CPA1: variants seen among roughly 807,000 people sequenced by gnomAD.
CPA1 encodes carboxypeptidase A1, also known as carboxypeptidase A1 (pancreatic).
In CPA1, 42 loss-of-function variants were observed where a neutral mutation model predicts 48.7. The ratio of observed to expected loss-of-function variants is 0.86; its 90% CI spans 0.67 to 1.11. CPA1 has a LOEUF of 1.11. CPA1 is among the 50% of genes most tolerant of loss of function. The pLI is 0.00. For missense variants in CPA1, 477 were observed against 544.7 expected (o/e 0.88, Z 1.24); for synonymous variants, 203 against 217.9 (o/e 0.93, Z 0.60).
rs370049711 is a variant in CPA1 at position 130,385,219 on chromosome 7, G to A, written c.861G>A (p.Lys287=). 1.4e-5 allele frequency: 23 copies of A among 1,614,120 alleles called. No individual in the cohort carries two copies. In the Admixed American group the frequency reaches 2.7e-4, roughly 19 times the overall value. ...TTGCCAATTCCGAAGTGGAGGTCAA[G>A]TCCATTGTAGACTTTGTGAAGGACC... is the stretch of plus-strand genomic sequence containing the variant. ...GKFANSEVEV[K]SIVDFVKDHG... is the part of the protein sequence containing the mutation. Residue 287 remains lysine, a synonymous_variant, in exon 8 of 10, where the codon AAG becomes AAA. Transcript: ENST00000011292.
intron 3 of CPA1, 21 bp downstream of exon 3, chr7:130,381,884 C>T: frequency 6.9e-6 from 11 of 1,601,264 alleles, no homozygotes; most frequent in Non-Finnish European, 9.4e-6. Flanking sequence ...CCCTAGCGGC[C>T]GCTCCCTGCA....
At chr7:130,382,566 C>G (rs1302285347) in intron 4 of CPA1, among the ~76,000 whole-genome samples, 1 of 151,246 alleles carries the variant, frequency 6.6e-6, no homozygotes, top group Non-Finnish European at 1.5e-5. Context: ...TGGGTTCAAG[C>G]GATTCTCCTG....
Position 130,387,892 on chromosome 7 carries a change from C to G in CPA1, c.1141C>G (p.Leu381Val). The change falls in exon 10 of 10, where the codon CTC becomes GTC. Residue 381 changes from leucine (L) to valine (V), a missense_variant. Coordinates refer to ENST00000011292, the MANE Select transcript of CPA1 (RefSeq NM_001868.4). This position sits in a 1 kb window ranked among gnomAD's most constrained non-coding sequence, Gnocchi z 4.6. ...QGIKYSFTFE[L>V]RDTGRYGFLL... ...CATCAAGTACTCCTTCACCTTCGAG[C>G]TCCGGGACACTGGGCGCTATGGCTT... The G allele has an allele frequency of 1.2e-6, 2 of 1,614,202 alleles. No homozygotes were observed. The highest frequency in any genetic ancestry group is 1.7e-6 in the Non-Finnish European group (2 of 1,180,032).
chr7:130,380,873 T>C, intron 1 of CPA1: 1 of 590,938 alleles, frequency 1.7e-6, no homozygotes, highest in African/African-American at 1.9e-5. Context: ...CAAACTGGGA[T>C]TGAGATAGTA....
At chr7:130,384,647 G>C in intron 7 of CPA1, 21 bp downstream of exon 7, 1 of 1,604,056 alleles carries the variant, frequency 6.2e-7, no homozygotes, top group East Asian at 2.2e-5. Flanking sequence ...GAGTGTCTTG[G>C]GAGCAAGGAT....
Position 130,384,099 on chromosome 7 carries a change from G to T in CPA1, c.696+305G>T, listed in dbSNP as rs546019879. ...ATGTCTTCAGATATTGCAAAATATC[G>T]CAGGGGAGGGTCAAGATTGTCCCCA... On this transcript the variant is annotated intron_variant, in intron 6 of 9. Transcript: ENST00000011292. The T allele has an allele frequency of 1.2e-3, 566 of 463,036 alleles. 15 individuals carry two copies. The South Asian group carries it at 0.015, about 12-fold the overall frequency. The allele number at this position is 463,036 out of a possible 1,614,324, so 28.7% of individuals were successfully genotyped here. A position where few individuals can be genotyped will look rare whatever the true frequency, so the allele number is the denominator to read the frequency against.
intron 9 of CPA1, 183 bp downstream of exon 9, chr7:130,386,106 T>C: frequency 1.8e-6 from 1 of 567,006 alleles, no homozygotes; most frequent in East Asian, 2.8e-5. Flanking sequence ...CTTCCTTTGA[T>C]ACTTTCAGAC....
chr7:130,381,028 C>T, intron 1 of CPA1, 70 bp from the exon 2 acceptor site: 1 of 1,278,206 alleles, frequency 7.8e-7, no homozygotes, highest in Non-Finnish European at 1.1e-6. Context: ...CTCCCTCCTG[C>T]ACCTGGGGAG....
chr7:130,381,429 G>A (rs1796402288), intron 2 of CPA1, among the ~76,000 whole-genome samples: 1 of 152,088 alleles, frequency 6.6e-6, no homozygotes, highest in African/African-American at 2.4e-5. Flanking sequence ...CTCTGCTCCT[G>A]GGCCATTTCC....
At chr7:130,381,906 T>C in intron 3 of CPA1, 43 bp downstream of exon 3, 1 of 1,568,330 alleles carries the variant, frequency 6.4e-7, no homozygotes, top group Non-Finnish European at 8.7e-7. Context: ...CCACCAGCTC[T>C]TCATCATGGC....
intron 6 of CPA1, 69 bp downstream of exon 6, chr7:130,383,863 C>T (rs781943992): frequency 8.9e-7 from 1 of 1,125,216 alleles, no homozygotes; most frequent in Non-Finnish European, 1.4e-6. Context: ...ACAAGTAGTT[C>T]ACCCCTAATC....
chr7:130,381,194 G>C lies in CPA1; in HGVS notation c.147+15G>C, dbSNP rs781784722. 9 of 1,599,464 alleles carry C rather than the reference G, an allele frequency of 5.6e-6. No homozygotes were observed. The South Asian group carries it at 1.0e-4, about 18-fold the overall frequency. ...AGCACCTGCAGGTCAGAAGAGGGGAGAAGGGCTCTCTGAGGCCCCAGGGTA... is the reference window on the plus strand; with the variant it reads ...AGCACCTGCAGGTCAGAAGAGGGGACAAGGGCTCTCTGAGGCCCCAGGGTA... On this transcript the variant is annotated intron_variant, in intron 2 of 9. Transcript: ENST00000011292.
rs148329227 is a variant in CPA1, at chr7:130,387,889, G to A, written c.1138G>A (p.Glu380Lys). ...GGGCATCAAGTACTCCTTCACCTTC[G>A]AGCTCCGGGACACTGGGCGCTATGG... Reference protein sequence around the residue: ...SQGIKYSFTFELRDTGRYGFL... With the variant: ...SQGIKYSFTFKLRDTGRYGFL... The change falls in exon 10 of 10, where the codon GAG (glutamate) becomes AAG (lysine). Residue 380 changes from glutamate (E) to lysine (K), a missense_variant. By Grantham distance (56) the Glu-to-Lys change is moderately conservative. Coordinates refer to ENST00000011292, the MANE Select transcript of CPA1 (RefSeq NM_001868.4). This position sits in a 1 kb window ranked among gnomAD's most constrained non-coding sequence, Gnocchi z 4.6. 3 of 1,614,014 alleles carry A rather than the reference G, an allele frequency of 1.9e-6. No individual in the cohort carries two copies. Among genetic ancestry groups the A allele is most frequent in the Admixed American group, 1.7e-5 (1 of 60,008 alleles).
Position 130,388,035 on chromosome 7 carries a change from GTCC to G in CPA1, c.*30_*32del, listed in dbSNP as rs1554412275. 6 of 1,611,698 alleles carry G rather than the reference GTCC, an allele frequency of 3.7e-6. No individual in the cohort carries two copies. The highest frequency in any genetic ancestry group is 5.1e-6 in the Non-Finnish European group (6 of 1,178,308). On this transcript the variant is annotated 3_prime_UTR_variant, in exon 10 of 10. Coordinates refer to ENST00000011292, the MANE Select transcript of CPA1 (RefSeq NM_001868.4). ...GAGCTGACCCTTTGACACCCTTCTT[GTCC>G]TCCTCTCTGGCCCCATCCAGGCAAC... is the stretch of plus-strand genomic sequence containing the variant.
Position 130,387,111 on chromosome 7 carries a change from G to C in CPA1, c.1073-713G>C, listed in dbSNP as rs1240347501. ...CCAAGTAAGTGAAGGTCAAAGCTGG[G>C]TAGAAGGCTGAGGGGGCAGGGCTGC... On this transcript the variant is annotated intron_variant, in intron 9 of 9. Transcript: ENST00000011292. The surrounding 1 kb of genome is among the most constrained non-coding windows in gnomAD (Gnocchi z 4.6). Among the ~76,000 whole-genome samples the C allele has an allele frequency of 6.6e-6, 1 of 152,200 alleles. No homozygotes were observed. The highest frequency in any genetic ancestry group is 1.5e-5 in the Non-Finnish European group (1 of 68,032).
rs1382108516 is a variant in CPA1 at position 130,387,167 on chromosome 7, G to T, written c.1073-657G>T. On this transcript the variant is annotated intron_variant, in intron 9 of 9. Transcript: ENST00000011292. The surrounding 1 kb of genome is among the most constrained non-coding windows in gnomAD (Gnocchi z 4.6). ...CACCTCACACGCTTCCTGCCTGAGT[G>T]CCTAGGCCTTGGTGGGCAAGCAGGT... Among the ~76,000 whole-genome samples the T allele has an allele frequency of 1.3e-5, 2 of 152,208 alleles. No individual in the cohort carries two copies. The highest frequency in any genetic ancestry group is 2.4e-5 in the African/African-American group (1 of 41,446).
At position 130,381,787 on chromosome 7, in the gene CPA1, AG is replaced by A. The variant is rs1554411224; in HGVS notation, c.306del (p.Glu102AspfsTer59). 6.2e-7 allele frequency: 1 copy of A among 1,613,968 alleles called. No individual in the cohort carries two copies. Among genetic ancestry groups the A allele is most frequent in the Admixed American group, 1.7e-5 (1 of 60,004 alleles). On this transcript the variant is annotated frameshift_variant, in exon 3 of 10. Coordinates refer to ENST00000011292, the MANE Select transcript of CPA1 (RefSeq NM_001868.4). LOFTEE classifies it high-confidence loss of function. ...DVQSLLDEEQ[E>X]QMFAFRSRAR... Reference sequence around the variant, plus strand: ...CAGTCGCTGCTGGACGAGGAGCAGGAGCAGATGTTCGCCTTCCGGTCCCGGG... The same window carrying A: ...CAGTCGCTGCTGGACGAGGAGCAGGACAGATGTTCGCCTTCCGGTCCCGGG...
intron 9 of CPA1, among the ~76,000 whole-genome samples, chr7:130,386,607 A>G (rs1266488677): frequency 6.6e-6 from 1 of 152,082 alleles, no homozygotes; most frequent in Non-Finnish European, 1.5e-5. Flanking sequence ...TTCCTCACTT[A>G]CTTATTCATG....
At position 130,385,334 on chromosome 7, in the gene CPA1, C is replaced by A; in HGVS notation, c.976C>A (p.Gln326Lys). 1 of 1,614,132 alleles carries A rather than the reference C, an allele frequency of 6.2e-7. No homozygotes were observed. Among genetic ancestry groups the A allele is most frequent in the Non-Finnish European group, 8.5e-7 (1 of 1,180,022 alleles). Residue 326 changes from glutamine (Q) to lysine (K), a missense_variant, in exon 8 of 10, where the codon CAG (glutamine) becomes AAG (lysine). Physicochemically the swap from Gln to Lys is moderately conservative, Grantham distance 53 (BLOSUM62 1). Transcript: ENST00000011292. ...YGYKTEPVPD[Q>K]DELDQLSKAA... ...CTACAAAACAGAACCAGTCCCTGAC[C>A]AGGATGAGCTGGTAGGCACTGACCT...
Sources: gnomAD v4.1 joint callset for allele counts (sites outside exome capture counted in the v4.1 genomes callset) on GRCh38, gnomAD v4.1.1 for gene constraint, Gnocchi (gnomAD v3.1) non-coding constraint, MANE v1.5 for transcripts, NCBI Gene and HGNC (gene_info 2026-07-23, HGNC 2026-07-21) for gene names.